The following TRIM44 variants were observed in gnomAD, a reference collection of about 807,000 sequenced individuals.
TRIM44 encodes the protein tripartite motif-containing protein 44.
Under a neutral mutation model 37.4 loss-of-function variants are expected in TRIM44, and 13 were observed. That is an observed-to-expected ratio of 0.35 (90% CI 0.23 to 0.55). The LOEUF (loss-of-function observed/expected upper bound fraction) is 0.55. Among genes scored for constraint, TRIM44 ranks in the 20% least tolerant of loss-of-function variants. The probability of loss-of-function intolerance (pLI) is 0.89; values close to 1 mark genes in which losing one functional copy is unlikely to be tolerated. For missense variants in TRIM44, 426 were observed against 437.2 expected (o/e 0.97, Z 0.23); for synonymous variants, 175 against 157.2 (o/e 1.11, Z -0.85).
chr11:35,788,623 T>A (rs932819628), intron 4 of TRIM44, among the ~76,000 whole-genome samples: 1 of 152,208 alleles, frequency 6.6e-6, no homozygotes, highest in African/African-American at 2.4e-5. Context: ...TTAAAATGAA[T>A]AAGAACTAAG....
At chr11:35,703,957 A>G (rs1000974549) in intron 2 of TRIM44, among the ~76,000 whole-genome samples, 1 of 152,180 alleles carries the variant, frequency 6.6e-6, no homozygotes, top group African/African-American at 2.4e-5. Context: ...CGATCAAACT[A>G]CTCCGAGCTA....
intron 1 of TRIM44, among the ~76,000 whole-genome samples, chr11:35,669,155 C>A (rs1206447542): frequency 6.6e-6 from 1 of 152,144 alleles, no homozygotes; most frequent in African/African-American, 2.4e-5. Flanking sequence ...CCAAATCTTG[C>A]ATGAAGCTGC....
intron 1 of TRIM44, among the ~76,000 whole-genome samples, chr11:35,679,645 A>G (rs1851502555): frequency 6.6e-6 from 1 of 152,186 alleles, no homozygotes; most frequent in Non-Finnish European, 1.5e-5. Context: ...TGGGAATGGG[A>G]GCCCATTACA....
intron 4 of TRIM44, among the ~76,000 whole-genome samples, chr11:35,784,605 T>C (rs572547279): frequency 7.5e-4 from 115 of 152,350 alleles, no homozygotes; most frequent in African/African-American, 2.6e-3. Flanking sequence ...TGTGTATTTA[T>C]GTATGTATAT....
chr11:35,797,044 T>C (rs988060016), intron 4 of TRIM44, among the ~76,000 whole-genome samples: 5 of 152,222 alleles, frequency 3.3e-5, no homozygotes, highest in African/African-American at 4.8e-5. Context: ...TTGTGTTCTT[T>C]GCAGAATATC....
chr11:35,806,372 A>C lies in TRIM44; in HGVS notation c.1022A>C (p.Glu341Ala). The C allele has an allele frequency of 6.2e-7, 1 of 1,613,702 alleles. No individual in the cohort carries two copies. The highest frequency in any genetic ancestry group is 8.5e-7 in the Non-Finnish European group (1 of 1,179,714). ...TTCCTTTGTAGTGGTGCCAGTGAAG[A>C]AGAGGACACATGAAGGCTTGCTACC... is the stretch of plus-strand genomic sequence containing the variant. ...DEEGPSGASE[E>A]EDT Residue 341 changes from glutamate to alanine, a missense_variant, in exon 5 of 5, where the codon GAA becomes GCA. Coordinates refer to ENST00000299413, the MANE Select transcript of TRIM44 (RefSeq NM_017583.6).
At chr11:35,789,372 T>C (rs1442357793) in intron 4 of TRIM44, among the ~76,000 whole-genome samples, 1 of 152,208 alleles carries the variant, frequency 6.6e-6, no homozygotes, top group Non-Finnish European at 1.5e-5. Context: ...CAATATGTCA[T>C]GAAAGTTTAG....
intron 2 of TRIM44, among the ~76,000 whole-genome samples, chr11:35,689,342 G>C (rs377578996): frequency 6.6e-6 from 1 of 152,216 alleles, no homozygotes; most frequent in South Asian, 2.1e-4. Context: ...GGATGTTGCT[G>C]TGGTGAGCCC....
At chr11:35,788,634 T>C (rs893530072) in intron 4 of TRIM44, among the ~76,000 whole-genome samples, 1 of 152,226 alleles carries the variant, frequency 6.6e-6, no homozygotes, top group Admixed American at 6.5e-5. Context: ...AAGAACTAAG[T>C]GATCGTCTTG....
chr11:35,756,216 TTCACA>T lies in TRIM44; in HGVS notation c.1007+20774_1007+20778del, dbSNP rs879282987. 3.5e-3 allele frequency among the ~76,000 whole-genome samples: 533 copies of T among 152,300 alleles called. 1 individual carries two copies. Among genetic ancestry groups the T allele is most frequent in the Middle Eastern group, 0.02 (6 of 294 alleles). Reference sequence around the variant, plus strand: ...TTTGTAGTTCTCCTTGAAGAGGTCCTTCACATCCCTTGTAAGTTGGATTCCTAGGT... The same window carrying T: ...TTTGTAGTTCTCCTTGAAGAGGTCCTTCCCTTGTAAGTTGGATTCCTAGGT... On this transcript the variant is annotated intron_variant, in intron 4 of 4. Transcript: ENST00000299413.
chr11:35,726,202 T>A (rs768904091), intron 3 of TRIM44, 39 bp downstream of exon 3: 1 of 1,605,100 alleles, frequency 6.2e-7, no homozygotes, highest in Non-Finnish European at 8.5e-7. Flanking sequence ...GCAAGAGAAA[T>A]AGGAGGAAAC....
At chr11:35,766,033 C>A (rs1438164546) in intron 4 of TRIM44, among the ~76,000 whole-genome samples, 1 of 152,210 alleles carries the variant, frequency 6.6e-6, no homozygotes, top group Non-Finnish European at 1.5e-5. Flanking sequence ...GAATTGCTTA[C>A]AACCAGAGAT....
chr11:35,675,607 C>T (rs1482553181), intron 1 of TRIM44, among the ~76,000 whole-genome samples: 6 of 152,160 alleles, frequency 3.9e-5, no homozygotes, highest in Admixed American at 1.3e-4. Flanking sequence ...CTGCAACCTC[C>T]GCCTCCCGGG....
intron 4 of TRIM44, among the ~76,000 whole-genome samples, chr11:35,764,771 A>G (rs1334451688): frequency 1.3e-5 from 2 of 152,164 alleles, no homozygotes; most frequent in South Asian, 2.1e-4. Flanking sequence ...TGCTTGACCC[A>G]TAAACTGTGC....
chr11:35,722,226 G>T (rs1331731960), intron 2 of TRIM44, among the ~76,000 whole-genome samples: 3 of 152,148 alleles, frequency 2.0e-5, no homozygotes, highest in Admixed American at 2.0e-4. Context: ...GATATTTAGA[G>T]TCTTCAAACT....
intron 4 of TRIM44, among the ~76,000 whole-genome samples, chr11:35,775,507 T>C (rs142205121): frequency 6.6e-6 from 1 of 152,220 alleles, no homozygotes; most frequent in South Asian, 2.1e-4. Context: ...CAGCACTATG[T>C]TGAATAGGAG....
chr11:35,767,618 T>C (rs1852815582), intron 4 of TRIM44, among the ~76,000 whole-genome samples: 1 of 151,918 alleles, frequency 6.6e-6, no homozygotes, highest in Non-Finnish European at 1.5e-5. Flanking sequence ...TATATATACA[T>C]ATATATGTTT....
At chr11:35,766,912 A>G (rs1852805582) in intron 4 of TRIM44, among the ~76,000 whole-genome samples, 1 of 152,212 alleles carries the variant, frequency 6.6e-6, no homozygotes, top group African/African-American at 2.4e-5. Flanking sequence ...TCAATTATTA[A>G]CAAATTATGT....
chr11:35,702,161 A>G (rs754965579), intron 2 of TRIM44, among the ~76,000 whole-genome samples: 1 of 152,204 alleles, frequency 6.6e-6, no homozygotes, highest in African/African-American at 2.4e-5. Flanking sequence ...TTAGCACTCA[A>G]TATTGAACTG....
Sources: gnomAD v4.1 joint callset for allele counts (sites outside exome capture counted in the v4.1 genomes callset) on GRCh38, gnomAD v4.1.1 for gene constraint, MANE v1.5 for transcripts, NCBI Gene and HGNC (gene_info 2026-07-23, HGNC 2026-07-21) for gene names.